SEC14L1: variants seen among roughly 807,000 people sequenced by gnomAD.
SEC14L1 encodes the protein SEC14 like lipid binding 1, also known as SEC14-like protein 1.
A neutral mutation model predicts 85.3 loss-of-function variants in SEC14L1; 48 were observed. The observed-to-expected ratio is 0.56, with a 90% confidence interval of 0.45 to 0.72. The LOEUF (loss-of-function observed/expected upper bound fraction) is 0.72, where lower values mean the gene tolerates loss of function less well. Among genes scored for constraint, SEC14L1 ranks in the 30% least tolerant of loss-of-function variants. The pLI, the probability that SEC14L1 is intolerant of heterozygous loss-of-function variation, is 0.00. For missense variants in SEC14L1, 682 were observed against 921.4 expected, an observed-to-expected ratio of 0.74 and a Z score of 3.36; for synonymous variants, 391 against 355.5, an observed-to-expected ratio of 1.10 and a Z score of -1.12.
chr17:77,202,185 C>A (rs1236898268), intron 9 of SEC14L1, among the ~76,000 whole-genome samples: 3 of 152,138 alleles, frequency 2.0e-5, no homozygotes, highest in Non-Finnish European at 4.4e-5. Context: ...GACCTCCAGG[C>A]TATAAAGAAG....
At chr17:77,195,170 G>A in intron 7 of SEC14L1, 3 of 504,542 alleles carry the variant, frequency 5.9e-6, no homozygotes, top group Non-Finnish European at 1.1e-5. Context: ...GTGTTTGTTT[G>A]TTTGTTTAAG....
chr17:77,189,308 G>A (rs1181843511), intron 3 of SEC14L1, among the ~76,000 whole-genome samples: 1 of 152,128 alleles, frequency 6.6e-6, no homozygotes, highest in East Asian at 1.9e-4. Flanking sequence ...AACGCAGAGG[G>A]GACTTCCTTA....
Position 77,203,672 on chromosome 17 carries a change from T to A in SEC14L1, c.1098+14T>A, listed in dbSNP as rs1199134456. ...CTGCTGAGATACGTAAGTGCGCGGC[T>A]GCGAGACTCCAGGTGCCACTGTGGC... On this transcript the variant is annotated intron_variant, in intron 10 of 16. Coordinates refer to ENST00000436233, the MANE Select transcript of SEC14L1 (RefSeq NM_001143998.2). 1.2e-6 allele frequency: 2 copies of A among 1,604,012 alleles called. No individual in the cohort carries two copies. The highest frequency in any genetic ancestry group is 1.7e-6 in the Non-Finnish European group (2 of 1,174,398).
intron 5 of SEC14L1, 30 bp from the exon 6 acceptor site, chr17:77,193,391 T>C (rs967541107): frequency 1.9e-6 from 3 of 1,569,434 alleles, no homozygotes; most frequent in Non-Finnish European, 2.6e-6. Flanking sequence ...GTCAATTCAG[T>C]CAGTGAGAGT....
chr17:77,216,503 C>T lies in SEC14L1; in HGVS notation c.*2480C>T, dbSNP rs1284494788. On this transcript the variant is annotated 3_prime_UTR_variant, in exon 17 of 17. Coordinates refer to ENST00000436233, the MANE Select transcript of SEC14L1 (RefSeq NM_001143998.2). Reference sequence around the variant, plus strand: ...GCTTCCTGTTCCCAAATCACAAGGGCCTGAAGGTGGTCCCTGCTTTCTCTT... The same window carrying T: ...GCTTCCTGTTCCCAAATCACAAGGGTCTGAAGGTGGTCCCTGCTTTCTCTT... The T allele has an allele frequency of 6.2e-7, 1 of 1,612,832 alleles. No individual in the cohort carries two copies. The highest frequency in any genetic ancestry group is 2.2e-5 in the East Asian group (1 of 44,896).
chr17:77,163,723 CG>C (rs533154871), intron 3 of SEC14L1, among the ~76,000 whole-genome samples: 132 of 152,308 alleles, frequency 8.7e-4, no homozygotes, highest in African/African-American at 2.9e-3. Flanking sequence ...CGGCTCGCAG[CG>C]GGGCCACATA....
At chr17:77,150,700 G>A (rs1414318008) in intron 3 of SEC14L1, among the ~76,000 whole-genome samples, 1 of 152,206 alleles carries the variant, frequency 6.6e-6, no homozygotes, top group African/African-American at 2.4e-5. Context: ...GGGCAGCTGT[G>A]CCCATGTCGT....
At chr17:77,143,398 C>G (rs530382873) in intron 2 of SEC14L1, among the ~76,000 whole-genome samples, 169 bp from the exon 3 acceptor site, 1 of 152,152 alleles carries the variant, frequency 6.6e-6, no homozygotes, top group Admixed American at 6.6e-5. Context: ...AATTACCTCC[C>G]CCTGCCCTCA....
chr17:77,171,079 T>C lies in SEC14L1; in HGVS notation c.64-19724T>C, dbSNP rs570268938. 6.8e-4 allele frequency among the ~76,000 whole-genome samples: 104 copies of C among 152,288 alleles called. 1 individual carries two copies. In the South Asian group the frequency reaches 0.018, roughly 26 times the overall value. On this transcript the variant is annotated intron_variant, in intron 3 of 16. Coordinates refer to ENST00000436233, the MANE Select transcript of SEC14L1 (RefSeq NM_001143998.2). ...GGAATGGCGTTAACCCTGAGTTTTT[T>C]CCCCCAAGGGCTTGCATCTTATTTG...
At chr17:77,207,537 C>T (rs1475806410) in intron 13 of SEC14L1, among the ~76,000 whole-genome samples, 1 of 152,118 alleles carries the variant, frequency 6.6e-6, no homozygotes, top group African/African-American at 2.4e-5. Flanking sequence ...CTGCAGCCTC[C>T]GCCTCCCAGA....
intron 3 of SEC14L1, among the ~76,000 whole-genome samples, chr17:77,130,617 C>G (rs1245162704): frequency 1.3e-5 from 2 of 149,724 alleles, no homozygotes; most frequent in African/African-American, 4.9e-5. Flanking sequence ...GCCACTGAGC[C>G]CAGCCTATTT....
chr17:77,190,113 A>G (rs1975455704), intron 3 of SEC14L1, among the ~76,000 whole-genome samples: 1 of 151,664 alleles, frequency 6.6e-6, no homozygotes, highest in Non-Finnish European at 1.5e-5. Context: ...TAAGTCGCTG[A>G]TCTTTGAGTT....
chr17:77,088,940 C>T (rs1357009742), exon 1 of SEC14L1: 1 of 156,204 alleles, frequency 6.4e-6, no homozygotes, highest in Non-Finnish European at 1.4e-5. Flanking sequence ...GACGGCTTCT[C>T]CCATCGCAAG....
intron 3 of SEC14L1, among the ~76,000 whole-genome samples, chr17:77,151,513 G>GT (rs1234045274): frequency 2.6e-5 from 4 of 152,126 alleles, no homozygotes; most frequent in African/African-American, 9.7e-5. Context: ...AGTGAAGGCA[G>GT]TTGTGGTGCA....
At chr17:77,106,377 C>G (rs1971915721) in intron 3 of SEC14L1, among the ~76,000 whole-genome samples, 1 of 152,022 alleles carries the variant, frequency 6.6e-6, no homozygotes, top group African/African-American at 2.4e-5. Flanking sequence ...ACTAAAAATA[C>G]AAAAATTAGC....
rs760560332 is a variant in SEC14L1 at position 77,215,418 on chromosome 17, G to A, written c.*1395G>A. ...CCCCACGCGGCTGTCAACTGTGTGC[G>A]TGGTAGGCATGGAGATCCTGGTTGT... On this transcript the variant is annotated 3_prime_UTR_variant, in exon 17 of 17. Transcript: ENST00000436233. The A allele has an allele frequency of 1.1e-4, 108 of 985,470 alleles. 1 individual carries two copies. In the South Asian group the frequency reaches 2.2e-3, roughly 20 times the overall value. The allele number at this position is 985,470 out of a possible 1,614,324, so 61.0% of individuals were successfully genotyped here.
chr17:77,194,947 C>A, intron 7 of SEC14L1, 36 bp downstream of exon 7: 1 of 1,523,184 alleles, frequency 6.6e-7, no homozygotes, highest in Non-Finnish European at 9.1e-7. Context: ...GAGAGCAAGG[C>A]TAGGGAAGTC....
intron 3 of SEC14L1, among the ~76,000 whole-genome samples, chr17:77,130,377 C>T (rs1387905791): frequency 6.6e-5 from 10 of 151,994 alleles, no homozygotes; most frequent in Admixed American, 5.9e-4. Context: ...AGTGCAGTGG[C>T]GCTGTCTCGG....
chr17:77,096,378 G>A (rs1971643949), intron 3 of SEC14L1, among the ~76,000 whole-genome samples: 1 of 151,904 alleles, frequency 6.6e-6, no homozygotes. Context: ...CCAACATGCT[G>A]AAACCCTGTC....
Sources: gnomAD v4.1 joint callset for allele counts (sites outside exome capture counted in the v4.1 genomes callset) on GRCh38, gnomAD v4.1.1 for gene constraint, MANE v1.5 for transcripts, NCBI Gene and HGNC (gene_info 2026-07-23, HGNC 2026-07-21) for gene names.